SLC60A1: variants seen among roughly 807,000 people sequenced by gnomAD.
SLC60A1 encodes the protein solute carrier family 60 member 1.
chr1:205,580,611 G>A, the SLC60A1 span: 4 of 1,594,524 alleles, frequency 2.5e-6, no homozygotes, highest in Admixed American at 3.4e-5. This position sits in a 1 kb window ranked among gnomAD's most constrained non-coding sequence, Gnocchi z 5.0. Context: ...CACTTCCCCG[G>A]GCTGAAGACT....
the SLC60A1 span, chr1:205,569,326 C>T: frequency 1.4e-6 from 2 of 1,437,268 alleles, no homozygotes; most frequent in South Asian, 1.3e-5. Flanking sequence ...TGCGCCCCCG[C>T]CCCGCGGCCC....
chr1:205,600,359 C>T, the SLC60A1 span: 1 of 1,578,208 alleles, frequency 6.3e-7, no homozygotes, highest in Non-Finnish European at 8.7e-7. Flanking sequence ...CACTGCAACT[C>T]ATCAGAGCTG....
the SLC60A1 span, chr1:205,597,854 T>C: frequency 1.1e-5 from 17 of 1,613,620 alleles, no homozygotes; most frequent in Non-Finnish European, 1.4e-5. Context: ...TGGTTCGGTA[T>C]GTGGGGACCT....
chr1:205,576,969 G>A, the SLC60A1 span, among the ~76,000 whole-genome samples: 6 of 152,096 alleles, frequency 3.9e-5, no homozygotes, highest in African/African-American at 9.7e-5. Context: ...TCCCTTTTCC[G>A]TCTTTTCTCT....
At chr1:205,602,348 A>C in the SLC60A1 span, 1 of 152,664 alleles carries the variant, frequency 6.6e-6, no homozygotes, top group Admixed American at 6.5e-5. Context: ...ACGTGGCTCA[A>C]GTGCTGGCTC....
chr1:205,572,946 C>T, the SLC60A1 span, among the ~76,000 whole-genome samples: 183 of 152,234 alleles, frequency 1.2e-3, no homozygotes, highest in African/African-American at 2.9e-3. Context: ...TGTCCATCAG[C>T]GGATGGATGG....
At chr1:205,572,387 C>A in the SLC60A1 span, among the ~76,000 whole-genome samples, 46,159 of 151,996 alleles carry the variant, frequency 0.3, 8,106 homozygotes, top group East Asian at 0.78. Flanking sequence ...CTCTCCCCTG[C>A]CCATGCTTTC....
the SLC60A1 span, chr1:205,584,986 T>G: frequency 1.9e-6 from 3 of 1,613,382 alleles, no homozygotes; most frequent in African/African-American, 4.0e-5. Flanking sequence ...GACGGATGGG[T>G]TGACGGTGAG....
the SLC60A1 span, among the ~76,000 whole-genome samples, chr1:205,596,086 C>T: frequency 3.3e-5 from 5 of 151,998 alleles, no homozygotes; most frequent in African/African-American, 1.2e-4. Context: ...TGAGACTGAA[C>T]GAGCTAGAAG....
the SLC60A1 span, among the ~76,000 whole-genome samples, chr1:205,571,285 A>C: frequency 6.6e-6 from 1 of 152,240 alleles, no homozygotes; most frequent in African/African-American, 2.4e-5. Flanking sequence ...AGGCCTAGAC[A>C]GAATTTGAAC....
the SLC60A1 span, chr1:205,580,657 C>T: frequency 1.9e-6 from 3 of 1,613,320 alleles, no homozygotes; most frequent in East Asian, 6.7e-5. This position sits in a 1 kb window ranked among gnomAD's most constrained non-coding sequence, Gnocchi z 5.0. Context: ...TCCTCTGTCC[C>T]CAGGTGCTCC....
At chr1:205,588,488 A>AG in the SLC60A1 span, among the ~76,000 whole-genome samples, 7 of 148,436 alleles carry the variant, frequency 4.7e-5, no homozygotes, top group African/African-American at 1.5e-4. Flanking sequence ...AAAAAAAAAA[A>AG]AAGAAAGAGA....
At chr1:205,599,007 T>C in the SLC60A1 span, 2 of 1,271,834 alleles carry the variant, frequency 1.6e-6, no homozygotes, top group East Asian at 4.7e-5. Flanking sequence ...TGATTCCATC[T>C]CTTGGTGTGA....
At chr1:205,570,207 G>A in the SLC60A1 span, among the ~76,000 whole-genome samples, 2 of 152,180 alleles carry the variant, frequency 1.3e-5, no homozygotes, top group Admixed American at 1.3e-4. Flanking sequence ...GCTCCCTTGT[G>A]GAAAGACAGC....
the SLC60A1 span, chr1:205,580,080 G>T: frequency 1.0e-6 from 1 of 984,000 alleles, no homozygotes. This position sits in a 1 kb window ranked among gnomAD's most constrained non-coding sequence, Gnocchi z 5.0. Context: ...TCTAGACTCG[G>T]TTTTCCCATC....
the SLC60A1 span, chr1:205,584,851 CCT>C: frequency 3.7e-6 from 6 of 1,604,394 alleles, no homozygotes; most frequent in Admixed American, 1.7e-5. Context: ...GAGACTCACC[CCT>C]GTTCTTCCTG....
At chr1:205,597,692 A>G in the SLC60A1 span, 5 of 1,406,698 alleles carry the variant, frequency 3.6e-6, no homozygotes, top group South Asian at 5.8e-5. Context: ...TGCATATGCC[A>G]CTGTGCCTGG....
At chr1:205,591,983 T>A in the SLC60A1 span, 1 of 981,578 alleles carries the variant, frequency 1.0e-6, no homozygotes, top group Non-Finnish European at 1.5e-6. Flanking sequence ...ACACTGCGGT[T>A]CCCGCCTGGT....
the SLC60A1 span, among the ~76,000 whole-genome samples, chr1:205,596,219 G>A: frequency 6.6e-6 from 1 of 152,204 alleles, no homozygotes; most frequent in Non-Finnish European, 1.5e-5. Flanking sequence ...TATAAGACAA[G>A]GCATGGCCAT....
Sources: allele counts gnomAD v4.1 joint callset (sites outside exome capture counted in the v4.1 genomes callset), GRCh38; gene constraint gnomAD v4.1.1; non-coding constraint Gnocchi (gnomAD v3.1); transcripts MANE v1.5; gene names NCBI Gene and HGNC (gene_info 2026-07-23, HGNC 2026-07-21).